RTN1: variants seen among roughly 807,000 people sequenced by gnomAD.
The protein encoded by RTN1 is reticulon 1.
In RTN1, 25 loss-of-function variants were observed where a neutral mutation model predicts 65.5. The ratio of observed to expected loss-of-function variants is 0.38; its 90% CI spans 0.28 to 0.53. RTN1 has a LOEUF of 0.53. RTN1 is among the 20% of genes least tolerant of loss of function. The pLI, the probability that RTN1 is intolerant of heterozygous loss-of-function variation, is 0.79. For synonymous variants in RTN1, 471 were observed against 447.6 expected (o/e 1.05, Z -0.66); for missense variants, 983 against 1,025.4 (o/e 0.96, Z 0.57).
chr14:59,707,331 T>C (rs1487073358), intron 3 of RTN1, among the ~76,000 whole-genome samples: 2 of 152,260 alleles, frequency 1.3e-5, no homozygotes, highest in Non-Finnish European at 2.9e-5. Flanking sequence ...ATTCTAATTC[T>C]ATCATCTATC....
chr14:59,858,257 C>T (rs933155471), intron 1 of RTN1, among the ~76,000 whole-genome samples: 3 of 152,150 alleles, frequency 2.0e-5, no homozygotes, highest in African/African-American at 7.2e-5. Context: ...TAACATGCAC[C>T]TGGTAGGCTT....
At chr14:59,685,735 C>G (rs1883833730) in intron 3 of RTN1, among the ~76,000 whole-genome samples, 1 of 152,088 alleles carries the variant, frequency 6.6e-6, no homozygotes, top group South Asian at 2.1e-4. Context: ...ACATGTCCAT[C>G]CTACCCAAAA....
At chr14:59,745,609 G>T in intron 2 of RTN1, 99 bp downstream of exon 2, 2 of 1,037,916 alleles carry the variant, frequency 1.9e-6, no homozygotes, top group South Asian at 1.7e-5. Flanking sequence ...AGATAGTAAA[G>T]TATGTTGAAT....
In RTN1 at chr14:59,774,896, A is replaced by G. The variant is rs971962570; in HGVS notation, c.242-28415T>C. On this transcript the variant is annotated intron_variant, in intron 1 of 8. Transcript: ENST00000267484. The surrounding 1 kb of genome is among the most constrained non-coding windows in gnomAD (Gnocchi z 5.1). ...AGTGAAGAGGCAAAAACATCCAAGT[A>G]ACCACTTCTATAATGCTTGACTGAA... Among the ~76,000 whole-genome samples the G allele has an allele frequency of 3.3e-5, 5 of 152,200 alleles. No homozygotes were observed. Among genetic ancestry groups the G allele is most frequent in the African/African-American group, 1.2e-4 (5 of 41,460 alleles).
rs1305921681 is a variant in RTN1, at chr14:59,774,165, AAC to A, written c.242-27686_242-27685del. On this transcript the variant is annotated intron_variant, in intron 1 of 8. Transcript: ENST00000267484. This position sits in a 1 kb window ranked among gnomAD's most constrained non-coding sequence, Gnocchi z 5.1. Reference sequence around the variant, plus strand: ...GAGATGCTTTAAGTAGCAGAATTAAAACACAGTGCAACTGCTGAGTTAATGAT... The same window carrying A: ...GAGATGCTTTAAGTAGCAGAATTAAAACAGTGCAACTGCTGAGTTAATGAT... 6.6e-6 allele frequency among the ~76,000 whole-genome samples: 1 copy of A among 152,196 alleles called. No individual in the cohort carries two copies. Among genetic ancestry groups the A allele is most frequent in the African/African-American group, 2.4e-5 (1 of 41,456 alleles).
chr14:59,680,133 A>T (rs1232281260), intron 3 of RTN1, among the ~76,000 whole-genome samples: 1 of 152,194 alleles, frequency 6.6e-6, no homozygotes, highest in Non-Finnish European at 1.5e-5. Context: ...CTCCTAGAAC[A>T]ATCATGTTAG....
chr14:59,772,632 C>T (rs932438174), intron 1 of RTN1, among the ~76,000 whole-genome samples: 4 of 151,904 alleles, frequency 2.6e-5, no homozygotes, highest in Non-Finnish European at 4.4e-5. Context: ...AACTATGATG[C>T]ATGTCTTTTA....
intron 1 of RTN1, among the ~76,000 whole-genome samples, chr14:59,834,965 A>G (rs896065260): frequency 4.6e-5 from 7 of 152,222 alleles, no homozygotes; most frequent in Non-Finnish European, 4.4e-5. Flanking sequence ...GGTTAAATGT[A>G]TACCTACTTT....
chr14:59,861,938 G>A (rs1184235504), intron 1 of RTN1, among the ~76,000 whole-genome samples: 1 of 152,108 alleles, frequency 6.6e-6, no homozygotes, highest in East Asian at 1.9e-4. Context: ...CCTTTAGTAT[G>A]AGAATCCAAA....
intron 3 of RTN1, among the ~76,000 whole-genome samples, chr14:59,719,078 A>G (rs1239832361): frequency 6.6e-6 from 1 of 152,170 alleles, no homozygotes; most frequent in Non-Finnish European, 1.5e-5. Flanking sequence ...AGCCAATGTG[A>G]CCTCTAAAGA....
At chr14:59,642,160 C>A (rs1882794757) in intron 3 of RTN1, among the ~76,000 whole-genome samples, 1 of 152,228 alleles carries the variant, frequency 6.6e-6, no homozygotes, top group East Asian at 1.9e-4. Context: ...TTAAATATTT[C>A]ATTCCACCAA....
At chr14:59,696,486 T>G (rs1291375608) in intron 3 of RTN1, among the ~76,000 whole-genome samples, 1 of 152,160 alleles carries the variant, frequency 6.6e-6, no homozygotes, top group African/African-American at 2.4e-5. Flanking sequence ...TTTTTTTCAT[T>G]TTTTAAAGGA....
intron 1 of RTN1, among the ~76,000 whole-genome samples, chr14:59,795,273 C>A (rs1181063107): frequency 7.2e-5 from 11 of 152,142 alleles, no homozygotes. Context: ...CAAGTGTGAG[C>A]AATCATTCTC....
At chr14:59,696,893 G>T (rs569200915) in intron 3 of RTN1, among the ~76,000 whole-genome samples, 1 of 151,322 alleles carries the variant, frequency 6.6e-6, no homozygotes, top group Non-Finnish European at 1.5e-5. Context: ...TCATAGGGGG[G>T]AAAAAAAACA....
At chr14:59,665,561 G>A (rs561018961) in intron 3 of RTN1, among the ~76,000 whole-genome samples, 5 of 152,162 alleles carry the variant, frequency 3.3e-5, no homozygotes, top group African/African-American at 9.6e-5. Context: ...AGCAAACATC[G>A]TAGTGAGAGG....
Position 59,825,105 on chromosome 14 carries a change from C to T in RTN1, c.241+45285G>A, listed in dbSNP as rs1033859606. 6.6e-6 allele frequency among the ~76,000 whole-genome samples: 1 copy of T among 152,198 alleles called. No homozygotes were observed. The highest frequency in any genetic ancestry group is 1.5e-5 in the Non-Finnish European group (1 of 68,032). ...CCAGTTAATAATACTATAGCGTACA[C>T]GTGAAATTAACTTGTTCTAGAGAGC... On this transcript the variant is annotated intron_variant, in intron 1 of 8. Coordinates refer to ENST00000267484, the MANE Select transcript of RTN1 (RefSeq NM_021136.3). The surrounding 1 kb of genome is among the most constrained non-coding windows in gnomAD (Gnocchi z 4.2).
intron 1 of RTN1, among the ~76,000 whole-genome samples, chr14:59,749,433 T>C (rs1275868329): frequency 9.7e-6 from 1 of 103,280 alleles, no homozygotes; most frequent in African/African-American, 4.2e-5. Flanking sequence ...TATATCTATA[T>C]ATATCTATAT....
In RTN1 at chr14:59,790,267, T is replaced by TCA. The variant is rs961435040; in HGVS notation, c.242-43788_242-43787dup. Among the ~76,000 whole-genome samples, 23 of 151,252 alleles carry TCA rather than the reference T, an allele frequency of 1.5e-4. 1 individual carries two copies. The highest frequency in any genetic ancestry group is 8.6e-4 in the Admixed American group (13 of 15,168). ...ACAATCTACTCATTCATTATGTATG[T>TCA]CACACACACACACAGACACACACAC... On this transcript the variant is annotated intron_variant, in intron 1 of 8. Transcript: ENST00000267484. The surrounding 1 kb of genome is among the most constrained non-coding windows in gnomAD (Gnocchi z 4.1).
intron 3 of RTN1, among the ~76,000 whole-genome samples, chr14:59,665,557 C>A (rs1883349732): frequency 6.6e-6 from 1 of 152,144 alleles, no homozygotes; most frequent in African/African-American, 2.4e-5. Context: ...AATCAGCAAA[C>A]ATCGTAGTGA....
Sources: gnomAD v4.1 joint callset for allele counts (sites outside exome capture counted in the v4.1 genomes callset) on GRCh38, gnomAD v4.1.1 for gene constraint, Gnocchi (gnomAD v3.1) non-coding constraint, MANE v1.5 for transcripts, NCBI Gene and HGNC (gene_info 2026-07-23, HGNC 2026-07-21) for gene names.